SLC24A4: variants seen among roughly 807,000 people sequenced by gnomAD.
The protein encoded by SLC24A4 is solute carrier family 24 member 4, also known as sodium/potassium/calcium exchanger 4.
Under a neutral mutation model 79.0 loss-of-function variants are expected in SLC24A4, and 53 were observed. The ratio of observed to expected loss-of-function variants is 0.67; its 90% CI spans 0.54 to 0.84. The LOEUF (loss-of-function observed/expected upper bound fraction) is 0.84, where lower values mean the gene tolerates loss of function less well. Ranked by LOEUF, SLC24A4 falls within the 40% of genes least tolerant of loss-of-function variation. The pLI is 0.00. For missense variants in SLC24A4, 731 were observed against 822.0 expected, an observed-to-expected ratio of 0.89 and a Z score of 1.35; for synonymous variants, 323 against 323.8, an observed-to-expected ratio of 1.00 and a Z score of 0.03.
At chr14:92,391,933 T>C (rs563914542) in intron 2 of SLC24A4, among the ~76,000 whole-genome samples, 1 of 152,294 alleles carries the variant, frequency 6.6e-6, no homozygotes, top group African/African-American at 2.4e-5. Context: ...TGACTGCAGC[T>C]GCGTGAGAGA....
chr14:92,386,122 G>T (rs1412921029), intron 2 of SLC24A4, among the ~76,000 whole-genome samples: 2 of 152,184 alleles, frequency 1.3e-5, no homozygotes, highest in African/African-American at 2.4e-5. Flanking sequence ...CCATTCTTAG[G>T]AGTTTATTGG....
chr14:92,423,375 A>T (rs1891392596), intron 2 of SLC24A4, among the ~76,000 whole-genome samples: 2 of 152,070 alleles, frequency 1.3e-5, no homozygotes, highest in Admixed American at 6.6e-5. Flanking sequence ...AAACTCCTGG[A>T]CTCAAGCAAT....
intron 7 of SLC24A4, among the ~76,000 whole-genome samples, chr14:92,443,820 C>T (rs80203124): frequency 0.048 from 7,248 of 152,262 alleles, 208 homozygotes; most frequent in Middle Eastern, 0.12. Flanking sequence ...GTAGAATCAT[C>T]GCAGAGCTTG....
At chr14:92,483,864 A>G (rs960162410) in intron 13 of SLC24A4, 1 of 1,289,620 alleles carries the variant, frequency 7.8e-7, no homozygotes, top group Non-Finnish European at 1.0e-6. Flanking sequence ...AGCAGCAGAG[A>G]AGGCAAGCGA....
intron 2 of SLC24A4, among the ~76,000 whole-genome samples, chr14:92,394,890 C>T (rs1889680489): frequency 6.6e-6 from 1 of 152,092 alleles, no homozygotes; most frequent in South Asian, 2.1e-4. Context: ...TTAATCAGCC[C>T]TGGCTCTTCT....
At chr14:92,372,095 G>A (rs1046858599) in intron 2 of SLC24A4, among the ~76,000 whole-genome samples, 5 of 152,228 alleles carry the variant, frequency 3.3e-5, no homozygotes, top group Non-Finnish European at 5.9e-5. Flanking sequence ...GCCAGCTGCA[G>A]CAACGAAAAA....
At chr14:92,469,942 G>T (rs1420271309) in intron 12 of SLC24A4, among the ~76,000 whole-genome samples, 1 of 152,192 alleles carries the variant, frequency 6.6e-6, no homozygotes, top group Non-Finnish European at 1.5e-5. Context: ...AATGGCTAGG[G>T]GTTTCCACTG....
chr14:92,409,883 G>C (rs1047253251), intron 2 of SLC24A4, among the ~76,000 whole-genome samples: 20 of 152,304 alleles, frequency 1.3e-4, no homozygotes, highest in Non-Finnish European at 2.6e-4. Context: ...AAGAGATCAT[G>C]TCTTTTGTGG....
intron 2 of SLC24A4, among the ~76,000 whole-genome samples, chr14:92,339,725 G>C (rs778570887): frequency 6.6e-6 from 1 of 152,238 alleles, no homozygotes; most frequent in African/African-American, 2.4e-5. Flanking sequence ...TCTTTTGCAG[G>C]CTTTGGGAGC....
intron 12 of SLC24A4, 52 bp from the exon 13 acceptor site, chr14:92,482,628 C>A: frequency 6.6e-7 from 1 of 1,522,246 alleles, no homozygotes; most frequent in Non-Finnish European, 8.9e-7. Flanking sequence ...AGGTGTGTTA[C>A]CCAGTGTCTT....
At chr14:92,342,936 C>G (rs1024992708) in intron 2 of SLC24A4, among the ~76,000 whole-genome samples, 4 of 152,200 alleles carry the variant, frequency 2.6e-5, no homozygotes, top group Non-Finnish European at 5.9e-5. Context: ...CAGTCTGGAT[C>G]TGGGTGAGTC....
At chr14:92,342,289 C>A (rs1352930965) in intron 2 of SLC24A4, among the ~76,000 whole-genome samples, 53 of 107,864 alleles carry the variant, frequency 4.9e-4, no homozygotes, top group African/African-American at 1.6e-3. Context: ...AATGCAGATA[C>A]AGGAGGTCTG....
At chr14:92,425,089 A>G (rs1196407116) in intron 2 of SLC24A4, among the ~76,000 whole-genome samples, 2 of 152,214 alleles carry the variant, frequency 1.3e-5, no homozygotes, top group Non-Finnish European at 2.9e-5. Flanking sequence ...TTGATGTCTT[A>G]TAAGAGGAGG....
At chr14:92,465,021 A>G (rs1053773948) in intron 12 of SLC24A4, among the ~76,000 whole-genome samples, 1 of 152,060 alleles carries the variant, frequency 6.6e-6, no homozygotes, top group Non-Finnish European at 1.5e-5. Context: ...TAGAGTGTCC[A>G]TGGCAGCCCT....
intron 8 of SLC24A4, 120 bp from the exon 9 acceptor site, chr14:92,447,251 G>A (rs1162122373): frequency 2.3e-5 from 19 of 831,554 alleles, no homozygotes; most frequent in Admixed American, 1.9e-4. Context: ...TTCTGGGCCC[G>A]GCACTAGGGG....
At chr14:92,402,906 A>T (rs139411532) in intron 2 of SLC24A4, among the ~76,000 whole-genome samples, 1 of 152,286 alleles carries the variant, frequency 6.6e-6, no homozygotes, top group Non-Finnish European at 1.5e-5. Flanking sequence ...TCCCAACAGA[A>T]GCAGAGAAAC....
Position 92,493,609 on chromosome 14 carries a change from T to C in SLC24A4, c.1850T>C (p.Met617Thr), listed in dbSNP as rs376838117. ...GTCTTTACCTTCGTCAACTTGCCGATGTGCCGGGAAGACGATTAGCGCTGA... is the reference window on the plus strand; with the variant it reads ...GTCTTTACCTTCGTCAACTTGCCGACGTGCCGGGAAGACGATTAGCGCTGA... ...FNVFTFVNLP[M>T]CREDD Residue 617 changes from methionine (M) to threonine (T), a missense_variant, in exon 17 of 17, where the codon ATG becomes ACG. Coordinates refer to ENST00000532405, the MANE Select transcript of SLC24A4 (RefSeq NM_153646.4). The C allele has an allele frequency of 9.3e-6, 15 of 1,614,108 alleles. No individual in the cohort carries two copies. In the South Asian group the frequency reaches 1.2e-4, roughly 13 times the overall value.
At chr14:92,334,686 G>A (rs1024709499) in intron 2 of SLC24A4, among the ~76,000 whole-genome samples, 1 of 152,130 alleles carries the variant, frequency 6.6e-6, no homozygotes, top group Non-Finnish European at 1.5e-5. Context: ...GAGGGTTTGA[G>A]TCCCAGCTCA....
At chr14:92,391,778 G>A (rs1270466818) in intron 2 of SLC24A4, among the ~76,000 whole-genome samples, 5 of 152,332 alleles carry the variant, frequency 3.3e-5, no homozygotes, top group African/African-American at 7.2e-5. Flanking sequence ...GGAACCCAGC[G>A]GCCATGCTCT....
Sources: gnomAD v4.1 joint callset for allele counts (sites outside exome capture counted in the v4.1 genomes callset) on GRCh38, gnomAD v4.1.1 for gene constraint, MANE v1.5 for transcripts, NCBI Gene and HGNC (gene_info 2026-07-23, HGNC 2026-07-21) for gene names.